ZFP30: variants seen among roughly 807,000 people sequenced by gnomAD.
The protein encoded by ZFP30 is ZFP30 zinc finger protein, also known as zinc finger protein 30 homolog.
Under a neutral mutation model 12.3 loss-of-function variants are expected in ZFP30, and 16 were observed. The observed-to-expected ratio is 1.30, with a 90% CI of 0.88 to 1.98. The LOEUF is 1.98. Among genes scored for constraint, ZFP30 ranks in the 30% most tolerant of loss-of-function variants. ZFP30 has a pLI of 0.00. For missense variants in ZFP30, 560 were observed against 611.2 expected (o/e 0.92, Z 0.88); for synonymous variants, 172 against 201.0 (o/e 0.86, Z 1.22).
chr19:37,654,659 A>T (rs2044716207), intron 2 of ZFP30, 53 bp downstream of exon 2: 1 of 152,222 alleles, frequency 6.6e-6, no homozygotes, highest in Non-Finnish European at 1.5e-5. Context: ...AGGATTTTAA[A>T]CGGAAGGAAC....
chr19:37,641,507 C>T (rs1197358430), intron 5 of ZFP30, among the ~76,000 whole-genome samples: 1 of 152,176 alleles, frequency 6.6e-6, no homozygotes, highest in East Asian at 1.9e-4. Context: ...ATAATAATAT[C>T]TCCATGTATC....
At chr19:37,650,809 A>G (rs2044634897) in intron 2 of ZFP30, among the ~76,000 whole-genome samples, 1 of 149,912 alleles carries the variant, frequency 6.7e-6, no homozygotes, top group Non-Finnish European at 1.5e-5. Flanking sequence ...ATCTCAACTC[A>G]CTGCAACCTC....
intron 2 of ZFP30, among the ~76,000 whole-genome samples, chr19:37,650,939 T>C (rs1004479396): frequency 1.3e-5 from 2 of 152,072 alleles, no homozygotes; most frequent in Admixed American, 6.5e-5. Context: ...GGTTTTGTCA[T>C]GTTGGCCAGG....
At position 37,644,719 on chromosome 19, in the gene ZFP30, T is replaced by A. The variant is rs184633214; in HGVS notation, c.27A>T (p.Arg9Ser). 73 of 1,611,118 alleles carry A rather than the reference T, an allele frequency of 4.5e-5. No individual in the cohort carries two copies. In the Admixed American group the frequency reaches 8.9e-4, roughly 20 times the overall value. ...CCTGAGAAAAGTCTACAGCCACATC[T>A]CTGAACATCACCAAATCCTGAAATG... MARDLVMF[R>S]DVAVDFSQEE... The change falls in exon 4 of 6, where the codon AGA becomes AGT. Residue 9 changes from arginine to serine, a missense_variant. By Grantham distance (110) the Arg-to-Ser change is moderately radical. Transcript: ENST00000684514.
chr19:37,653,545 C>A (rs2044694522), intron 2 of ZFP30, among the ~76,000 whole-genome samples: 3 of 152,268 alleles, frequency 2.0e-5, no homozygotes, highest in Admixed American at 1.3e-4. Flanking sequence ...CTCAATATTA[C>A]ATTATACTTT....
rs2044236453 is a variant in ZFP30, at chr19:37,631,705, A to G, written c.*3276T>C. On this transcript the variant is annotated 3_prime_UTR_variant, in exon 6 of 6. Transcript: ENST00000684514. Reference sequence around the variant, plus strand: ...TAAAAAAAAAAAAAAAAAAAAGACAATAAGCATGAATTGAGATGATACTGG... The same window carrying G: ...TAAAAAAAAAAAAAAAAAAAAGACAGTAAGCATGAATTGAGATGATACTGG... 1 of 151,036 alleles carries G rather than the reference A, an allele frequency of 6.6e-6. No individual in the cohort carries two copies. The highest frequency in any genetic ancestry group is 1.5e-5 in the Non-Finnish European group (1 of 67,800). 9.4% of individuals were successfully genotyped at this position (151,036 alleles called of 1,614,324 possible). A position where few individuals can be genotyped will look rare whatever the true frequency, so the allele number is the denominator to read the frequency against.
intron 2 of ZFP30, among the ~76,000 whole-genome samples, chr19:37,650,684 A>AC (rs2044631071): frequency 6.7e-6 from 1 of 150,308 alleles, no homozygotes; most frequent in South Asian, 2.1e-4. Flanking sequence ...CTCAACTCCC[A>AC]CCCACATATG....
upstream of ZFP30, chr19:37,655,873 C>G (rs915729791): frequency 3.3e-5 from 5 of 152,344 alleles, no homozygotes; most frequent in Middle Eastern, 6.8e-3. Flanking sequence ...GGGGGGCGAA[C>G]GCTGGGGCCC....
chr19:37,643,052 CAAAAAAAA>C (rs951396776), intron 5 of ZFP30, among the ~76,000 whole-genome samples: 4 of 61,440 alleles, frequency 6.5e-5, no homozygotes, highest in African/African-American at 1.3e-4. Context: ...GACTCCGTCT[CAAAAAAAA>C]AAAAAAAAAA....
Position 37,635,427 on chromosome 19 carries a change from G to A in ZFP30, c.1114C>T (p.His372Tyr). 1 of 1,614,148 alleles carries A rather than the reference G, an allele frequency of 6.2e-7. No individual in the cohort carries two copies. Among genetic ancestry groups the A allele is most frequent in the East Asian group, 2.2e-5 (1 of 44,882 alleles). Residue 372 changes from histidine to tyrosine, a missense_variant, in exon 6 of 6, where the codon CAT becomes TAT. His to Tyr is a moderately conservative substitution (Grantham distance 83, BLOSUM62 2). Coordinates refer to ENST00000684514, the MANE Select transcript of ZFP30 (RefSeq NM_001320669.3). ...TTTTCACCAGTATGTATTCTCTGAT[G>A]GAGAGTTAGATGATAGCCACGACTG... is the stretch of plus-strand genomic sequence containing the variant. ...TFSRGYHLTL[H>Y]QRIHTGEKPY...
intron 5 of ZFP30, among the ~76,000 whole-genome samples, chr19:37,636,793 C>CT: frequency 6.6e-6 from 1 of 151,346 alleles, no homozygotes; most frequent in Middle Eastern, 3.5e-3. Flanking sequence ...TCACTGTAAC[C>CT]TCTGCCTCCC....
In ZFP30 at chr19:37,636,094, C is replaced by T; in HGVS notation, c.447G>A (p.Gln149=). ...AGGGTTTCTCTCTGTTATGACTTTT[C>T]TGATACAGAGGAAGAGATGTGAGTT... ...YRKLTSLPLY[Q]KSHNREKPYE... Residue 149 remains glutamine (Q), a synonymous_variant, in exon 6 of 6, where the codon CAG becomes CAA. Coordinates refer to ENST00000684514, the MANE Select transcript of ZFP30 (RefSeq NM_001320669.3). The T allele has an allele frequency of 6.2e-7, 1 of 1,614,132 alleles. No homozygotes were observed. The highest frequency in any genetic ancestry group is 8.5e-7 in the Non-Finnish European group (1 of 1,180,024).
Position 37,651,144 on chromosome 19 carries a change from G to T in ZFP30, c.-77-3245C>A, listed in dbSNP as rs539915484. On this transcript the variant is annotated intron_variant, in intron 2 of 5. Coordinates refer to ENST00000684514, the MANE Select transcript of ZFP30 (RefSeq NM_001320669.3). ...CAACTGAACTATGCAGTATACTCAG[G>T]TTATTTTGCCTTTTTTGCATATGAC... Among the ~76,000 whole-genome samples the T allele has an allele frequency of 1.9e-4, 29 of 152,156 alleles. No homozygotes were observed. The East Asian group carries it at 5.4e-3, about 28-fold the overall frequency.
chr19:37,655,190 C>T (rs2044729706), intron 1 of ZFP30: 1 of 152,334 alleles, frequency 6.6e-6, no homozygotes, highest in African/African-American at 2.4e-5. Context: ...TCTCCAACTG[C>T]ACCACAGGCC....
At position 37,636,032 on chromosome 19, in the gene ZFP30, C is replaced by G; in HGVS notation, c.509G>C (p.Arg170Pro). 1.2e-6 allele frequency: 2 copies of G among 1,613,846 alleles called. No homozygotes were observed. Among genetic ancestry groups the G allele is most frequent in the Non-Finnish European group, 1.7e-6 (2 of 1,179,948 alleles). Residue 170 changes from arginine to proline, a missense_variant, in exon 6 of 6, where the codon CGA becomes CCA. By Grantham distance (103) the Arg-to-Pro change is moderately radical. Transcript: ENST00000684514. ...CGECGKAFRV[R>P]QQLTFHQRIH... Reference sequence around the variant, plus strand: ...TCTTTGATGGAAAGTAAGTTGTTGTCGTACTCTAAAAGCCTTCCCACATTC... The same window carrying G: ...TCTTTGATGGAAAGTAAGTTGTTGTGGTACTCTAAAAGCCTTCCCACATTC...
intron 4 of ZFP30, 112 bp from the exon 5 acceptor site, chr19:37,643,475 GA>G: frequency 1.5e-6 from 1 of 676,960 alleles, no homozygotes; most frequent in African/African-American, 1.9e-5. Context: ...GGATCACAAG[GA>G]AAAACAAGAA....
Position 37,633,154 on chromosome 19 carries a change from G to C in ZFP30, c.*1827C>G, listed in dbSNP as rs2044260864. ...CCACTGCACGCCAGCCTGGGCGAAAGAGCGAGACTCCGTCTCAAAAAAAAA... is the reference window on the plus strand; with the variant it reads ...CCACTGCACGCCAGCCTGGGCGAAACAGCGAGACTCCGTCTCAAAAAAAAA... On this transcript the variant is annotated 3_prime_UTR_variant, in exon 6 of 6. Transcript: ENST00000684514. The C allele has an allele frequency of 7.2e-6, 1 of 138,494 alleles. No homozygotes were observed. The highest frequency in any genetic ancestry group is 2.6e-5 in the African/African-American group (1 of 37,748). 8.6% of individuals were successfully genotyped at this position (138,494 alleles called of 1,614,324 possible).
intron 2 of ZFP30, among the ~76,000 whole-genome samples, chr19:37,648,812 G>A (rs2044591788): frequency 6.6e-6 from 1 of 152,148 alleles, no homozygotes; most frequent in Admixed American, 6.5e-5. Context: ...TTAACTCAGA[G>A]CTCTCTGCTC....
In ZFP30 at chr19:37,634,964, A is replaced by G; in HGVS notation, c.*17T>C. ...ATGCTCAACATAAAATTCGCAAAGG[A>G]AGAGTTCTAATAATTATTAAGTTAC... is the stretch of plus-strand genomic sequence containing the variant. On this transcript the variant is annotated 3_prime_UTR_variant, in exon 6 of 6. Transcript: ENST00000684514. 2.0e-6 allele frequency: 3 copies of G among 1,516,104 alleles called. No individual in the cohort carries two copies. The highest frequency in any genetic ancestry group is 2.6e-6 in the Non-Finnish European group (3 of 1,135,978). The allele number at this position is 1,516,104 out of a possible 1,614,324, so 93.9% of individuals were successfully genotyped here.
Sources: gnomAD v4.1 joint callset for allele counts (sites outside exome capture counted in the v4.1 genomes callset) on GRCh38, gnomAD v4.1.1 for gene constraint, MANE v1.5 for transcripts, NCBI Gene and HGNC (gene_info 2026-07-23, HGNC 2026-07-21) for gene names.